TREML1: variants seen among roughly 807,000 people sequenced by gnomAD.
TREML1 encodes the protein triggering receptor expressed on myeloid cells like 1, also known as trem-like transcript 1 protein.
A neutral mutation model predicts 22.8 loss-of-function variants in TREML1; 27 were observed. That is an observed-to-expected ratio of 1.19 (90% CI 0.87 to 1.64). The LOEUF (loss-of-function observed/expected upper bound fraction) is 1.64, where lower values mean the gene tolerates loss of function less well. Ranked by LOEUF, TREML1 falls within the 40% of genes most tolerant of loss-of-function variation. The pLI is 0.00. For missense variants in TREML1, 356 were observed against 382.0 expected (o/e 0.93, Z 0.57); for synonymous variants, 153 against 161.9 (o/e 0.94, Z 0.42).
rs200700491 is a variant in TREML1, at chr6:41,151,277, A to G, written c.479+5T>C. 67 of 1,613,702 alleles carry G rather than the reference A, an allele frequency of 4.2e-5. No individual in the cohort carries two copies. In the East Asian group the frequency reaches 1.3e-3, roughly 32 times the overall value. Reference sequence around the variant, plus strand: ...CTGGCCTCCCAAATCCAATCCTGTCAGTACCTCTTCTCATCCTGGCTGGGT... The same window carrying G: ...CTGGCCTCCCAAATCCAATCCTGTCGGTACCTCTTCTCATCCTGGCTGGGT... On this transcript the variant is annotated splice_donor_5th_base_variant and intron_variant, in intron 3 of 5. Transcript: ENST00000426005.
rs1765349185 is a variant in TREML1, at chr6:41,153,914, C to A, written c.220G>T (p.Gly74Cys). 6.2e-7 allele frequency: 1 copy of A among 1,614,098 alleles called. No homozygotes were observed. Residue 74 changes from glycine (G) to cysteine (C), a missense_variant, in exon 2 of 6, where the codon GGC becomes TGC. Transcript: ENST00000426005. The stretch of plus-strand genomic sequence containing the variant: ...AGGTCTGTGAGAAACGTACGCCTGC[C>A]CGCTGGAGCTCTGCGATCCACAGCT... ...SSAVDRRAPA[G>C]RRTFLTDLGG...
chr6:41,153,093 A>C (rs1765312076), intron 2 of TREML1, among the ~76,000 whole-genome samples: 1 of 151,620 alleles, frequency 6.6e-6, no homozygotes, highest in Non-Finnish European at 1.5e-5. Flanking sequence ...ATATTTTAAA[A>C]TTTTCTTTTA....
chr6:41,151,629 C>T, intron 2 of TREML1: 1 of 509,456 alleles, frequency 2.0e-6, no homozygotes, highest in East Asian at 3.4e-5. Flanking sequence ...ACTTTTCCCT[C>T]TACCACCAGC....
In TREML1 at chr6:41,149,936, A is replaced by G; in HGVS notation, c.622-18T>C. ...GAGGGATTCTGTAACAAAAGCAGGC[A>G]AGTCAGGAATGCCTCCCTCTGCCCC... On this transcript the variant is annotated intron_variant, in intron 5 of 5. Transcript: ENST00000426005. The G allele has an allele frequency of 6.2e-7, 1 of 1,605,926 alleles. No individual in the cohort carries two copies. The highest frequency in any genetic ancestry group is 8.5e-7 in the Non-Finnish European group (1 of 1,175,066).
intron 4 of TREML1, 23 bp from the exon 5 acceptor site, chr6:41,150,336 C>G: frequency 6.2e-7 from 1 of 1,613,028 alleles, no homozygotes; most frequent in Non-Finnish European, 8.5e-7. Flanking sequence ...ACAACAGCAG[C>G]ATAGTCTGCT....
At chr6:41,149,955 C>CA in intron 5 of TREML1, 37 bp from the exon 6 acceptor site, 2 of 1,587,550 alleles carry the variant, frequency 1.3e-6, no homozygotes, top group South Asian at 2.3e-5. Flanking sequence ...ATGCCTCCCT[C>CA]TGCCCCAGAA....
At chr6:41,154,410 C>A, upstream of TREML1, 1 of 789,388 alleles carries the variant, frequency 1.3e-6, no homozygotes, top group Non-Finnish European at 2.1e-6. Flanking sequence ...TGATGGGCAC[C>A]TCCAGGGGTG....
At chr6:41,151,503 G>T in intron 2 of TREML1, 119 bp from the exon 3 acceptor site, 1 of 845,588 alleles carries the variant, frequency 1.2e-6, no homozygotes, top group Non-Finnish European at 1.9e-6. Context: ...GGAAGGAGAG[G>T]ACCCCAGGAA....
rs1765193181 is a variant in TREML1 at position 41,149,734 on chromosome 6, G to A, written c.806C>T (p.Pro269Leu). Residue 269 changes from proline (P) to leucine (L), a missense_variant, in exon 6 of 6, where the codon CCT becomes CTT. Pro to Leu is a moderately conservative substitution (Grantham distance 98). Transcript: ENST00000426005. ...LPAPSSLPPLPPKVLVCSKPV... is the reference protein window; with the variant it reads ...LPAPSSLPPLLPKVLVCSKPV... ...CTTGGAGCAGACCAGGACCTTAGGA[G>A]GTAGAGGGGGCAATGAGGATGGAGC... The A allele has an allele frequency of 3.7e-6, 6 of 1,614,206 alleles. No individual in the cohort carries two copies. The highest frequency in any genetic ancestry group is 1.3e-5 in the African/African-American group (1 of 75,048).
chr6:41,150,371 CCTCA>C, intron 4 of TREML1, 58 bp from the exon 5 acceptor site: 1 of 1,549,022 alleles, frequency 6.5e-7, no homozygotes, highest in Non-Finnish European at 8.9e-7. Flanking sequence ...AGAGCCCTTC[CCTCA>C]CTCCCTTCCT....
chr6:41,153,003 C>T (rs1361849899), intron 2 of TREML1, among the ~76,000 whole-genome samples: 5 of 151,560 alleles, frequency 3.3e-5, no homozygotes, highest in African/African-American at 9.7e-5. Flanking sequence ...AAAGGAGTGG[C>T]TGTCTGTGCT....
At chr6:41,149,945 A>G (rs751787025) in intron 5 of TREML1, 27 bp from the exon 6 acceptor site, 45 of 1,599,978 alleles carry the variant, frequency 2.8e-5, no homozygotes, top group Non-Finnish European at 3.8e-5. Context: ...CAAGTCAGGA[A>G]TGCCTCCCTC....
In TREML1 at chr6:41,150,848, A is replaced by G. The variant is rs34485429; in HGVS notation, c.539T>C (p.Leu180Pro). 8.2e-5 allele frequency: 132 copies of G among 1,614,040 alleles called. No individual in the cohort carries two copies. The highest frequency in any genetic ancestry group is 1.6e-5 in the Non-Finnish European group (19 of 1,180,012). The change falls in exon 4 of 6, where the codon CTG becomes CCG. Residue 180 changes from leucine (L) to proline (P), a missense_variant. Physicochemically the swap from Leu to Pro is moderately conservative, Grantham distance 98 (BLOSUM62 -3). Transcript: ENST00000426005. Reference sequence around the variant, plus strand: ...TTTCCTCTTGGCCATCACAGCAAACAGCACCACCGCTGCCACCAGCAGACC... The same window carrying G: ...TTTCCTCTTGGCCATCACAGCAAACGGCACCACCGCTGCCACCAGCAGACC... ...LVGLLVAAVVLFAVMAKRKQG... is the reference protein window; with the variant it reads ...LVGLLVAAVVPFAVMAKRKQG...
intron 5 of TREML1, 108 bp downstream of exon 5, chr6:41,150,153 C>T: frequency 7.8e-7 from 1 of 1,284,260 alleles, no homozygotes; most frequent in East Asian, 2.4e-5. Context: ...GTTTGGACCC[C>T]AACTAGGTCC....
chr6:41,153,671 C>A, intron 2 of TREML1, 87 bp downstream of exon 2: 1 of 1,392,226 alleles, frequency 7.2e-7, no homozygotes. Flanking sequence ...CAGGGGCCCC[C>A]ACTCCTCAAG....
In TREML1 at chr6:41,151,292, C is replaced by A; in HGVS notation, c.469G>T (p.Asp157Tyr). ...CAATCCTGTCAGTACCTCTTCTCAT[C>A]CTGGCTGGGTTCCAAAGGGTTGGCA... is the stretch of plus-strand genomic sequence containing the variant. ...GSANPLEPSQDEKSIPLIWGA... is the reference protein window; with the variant it reads ...GSANPLEPSQYEKSIPLIWGA... The change falls in exon 3 of 6, where the codon GAT (aspartate) becomes TAT (tyrosine). Residue 157 changes from aspartate to tyrosine, a missense_variant. Asp to Tyr is a radical substitution (Grantham distance 160). Transcript: ENST00000426005. 3 of 1,614,182 alleles carry A rather than the reference C, an allele frequency of 1.9e-6. No homozygotes were observed. The highest frequency in any genetic ancestry group is 2.5e-6 in the Non-Finnish European group (3 of 1,179,996).
intron 1 of TREML1, 75 bp from the exon 2 acceptor site, chr6:41,154,165 T>C: frequency 6.3e-7 from 1 of 1,587,816 alleles, no homozygotes; most frequent in Non-Finnish European, 8.6e-7. Flanking sequence ...GGTATGGGTG[T>C]GGCATTCACA....
At chr6:41,153,582 A>T (rs1054339207) in intron 2 of TREML1, among the ~76,000 whole-genome samples, 176 bp downstream of exon 2, 1 of 152,036 alleles carries the variant, frequency 6.6e-6, no homozygotes, top group East Asian at 1.9e-4. Context: ...CAGCTGATTT[A>T]TCTCAGACTT....
chr6:41,150,029 G>T, intron 5 of TREML1, 111 bp from the exon 6 acceptor site: 1 of 1,120,564 alleles, frequency 8.9e-7, no homozygotes, highest in Non-Finnish European at 1.3e-6. Flanking sequence ...GTATATCAGT[G>T]GGCAAGAGGG....
Sources: gnomAD v4.1 joint callset for allele counts (sites outside exome capture counted in the v4.1 genomes callset) on GRCh38, gnomAD v4.1.1 for gene constraint, MANE v1.5 for transcripts, NCBI Gene and HGNC (gene_info 2026-07-23, HGNC 2026-07-21) for gene names.